TDRD9: variants seen among roughly 807,000 people sequenced by gnomAD.
TDRD9 encodes ATP-dependent RNA helicase TDRD9.
TDRD9 carries 124 observed loss-of-function variants against 172.6 expected under a neutral mutation model. That is an observed-to-expected ratio of 0.72 (90% CI 0.62 to 0.83). The LOEUF (loss-of-function observed/expected upper bound fraction) is 0.83. TDRD9 is among the 40% of genes least tolerant of loss of function. The pLI is 0.00. For synonymous variants in TDRD9, 619 were observed against 617.1 expected (o/e 1.00, Z -0.05); for missense variants, 1,479 against 1,714.1 (o/e 0.86, Z 2.42).
chr14:103,938,230 A>G (rs1388058959), intron 1 of TDRD9, among the ~76,000 whole-genome samples: 2 of 151,840 alleles, frequency 1.3e-5, no homozygotes, highest in Admixed American at 6.6e-5. Context: ...AGCCTATTAT[A>G]TGTCGGGGAT....
At chr14:104,004,569 A>G (rs1344542453) in intron 14 of TDRD9, among the ~76,000 whole-genome samples, 1 of 151,968 alleles carries the variant, frequency 6.6e-6, no homozygotes, top group Non-Finnish European at 1.5e-5. Flanking sequence ...TAGTAGAGAC[A>G]GGGTTTCACT....
chr14:103,993,280 A>T lies in TDRD9; in HGVS notation c.1181-1052A>T, dbSNP rs2152200796. On this transcript the variant is annotated intron_variant, in intron 9 of 35. Coordinates refer to ENST00000409874, the MANE Select transcript of TDRD9 (RefSeq NM_153046.3). The stretch of plus-strand genomic sequence containing the variant: ...AGTGTTGGGATTGCAGGTGTGAGCC[A>T]CTGCTCCTGGCTGGTAAATACTTTT... 3.9e-5 allele frequency among the ~76,000 whole-genome samples: 6 copies of T among 152,292 alleles called. No individual in the cohort carries two copies. The Middle Eastern group carries it at 0.014, about 345-fold the overall frequency.
rs962779899 is a variant in TDRD9, at chr14:103,935,255, T to G, written c.215+6531T>G. ...ACTGACACATCATTCAAGCAAGAGATAGGATGGTGGCTTAGACCAGGCAGG... is the reference window on the plus strand; with the variant it reads ...ACTGACACATCATTCAAGCAAGAGAGAGGATGGTGGCTTAGACCAGGCAGG... On this transcript the variant is annotated intron_variant, in intron 1 of 35. Coordinates refer to ENST00000409874, the MANE Select transcript of TDRD9 (RefSeq NM_153046.3). 7.2e-5 allele frequency among the ~76,000 whole-genome samples: 11 copies of G among 152,310 alleles called. No homozygotes were observed. In the South Asian group the frequency reaches 2.3e-3, roughly 32 times the overall value.
At chr14:103,935,025 C>T (rs534482939) in intron 1 of TDRD9, among the ~76,000 whole-genome samples, 17 of 152,296 alleles carry the variant, frequency 1.1e-4, no homozygotes, top group African/African-American at 3.8e-4. Context: ...GACCTGAATG[C>T]AGCGAAGACT....
intron 12 of TDRD9, among the ~76,000 whole-genome samples, 160 bp from the exon 13 acceptor site, chr14:103,998,464 A>C (rs541506638): frequency 6.6e-6 from 1 of 152,088 alleles, no homozygotes; most frequent in Non-Finnish European, 1.5e-5. Flanking sequence ...GCAACTCCCC[A>C]TCCTGGGCGG....
At chr14:104,018,908 G>A (rs138260519) in intron 23 of TDRD9, among the ~76,000 whole-genome samples, 1 of 152,074 alleles carries the variant, frequency 6.6e-6, no homozygotes, top group East Asian at 1.9e-4. Flanking sequence ...TCAATTTGGG[G>A]TAATTCCCTC....
At chr14:103,989,488 C>T (rs55735983) in intron 8 of TDRD9, among the ~76,000 whole-genome samples, 10,462 of 152,236 alleles carry the variant, frequency 0.069, 529 homozygotes, top group Non-Finnish European at 0.1. Context: ...ATAATGGAAG[C>T]GAGAAAGGCA....
At chr14:104,040,078 A>T in intron 32 of TDRD9, 118 bp from the exon 33 acceptor site, 1 of 871,712 alleles carries the variant, frequency 1.1e-6, no homozygotes, top group Non-Finnish European at 1.5e-6. Flanking sequence ...AAGTGAAATT[A>T]ATTGCTGTAC....
chr14:103,928,869 C>G (rs1167499748), intron 1 of TDRD9, 145 bp downstream of exon 1: 4 of 264,008 alleles, frequency 1.5e-5, no homozygotes, highest in African/African-American at 4.6e-5. Context: ...CGAGTGGTCA[C>G]TACACAACCC....
At chr14:104,026,311 T>C (rs2035116955) in intron 27 of TDRD9, among the ~76,000 whole-genome samples, 175 bp downstream of exon 27, 1 of 152,140 alleles carries the variant, frequency 6.6e-6, no homozygotes, top group Non-Finnish European at 1.5e-5. Flanking sequence ...CTTCCAAAAA[T>C]ACATGAAAGG....
At chr14:104,024,108 T>G (rs1194486054) in intron 24 of TDRD9, among the ~76,000 whole-genome samples, 3 of 152,180 alleles carry the variant, frequency 2.0e-5, no homozygotes, top group Non-Finnish European at 4.4e-5. Context: ...TTTTTGGGGT[T>G]TATTGGAAAG....
At position 104,052,074 on chromosome 14, in the gene TDRD9, G is replaced by A. The variant is rs1441570865; in HGVS notation, c.4141G>A (p.Gly1381Ser). ...CCAGCTCCACAAACTGGTTGTGCTC[G>A]GCACCTGAGCATGTCCACAGGTGGC... Reference protein sequence around the residue: ...LYQLHKLVVLGT With the variant: ...LYQLHKLVVLST Residue 1381 changes from glycine (G) to serine (S), a missense_variant, in exon 36 of 36, where the codon GGC becomes AGC. By Grantham distance (56) the Gly-to-Ser change is moderately conservative. Around this residue, in one of 3 missense-constraint regions of TDRD9, gnomAD observed 1,413 missense variants for 1,649.1 expected, o/e 0.86. Transcript: ENST00000409874. 1.3e-6 allele frequency: 2 copies of A among 1,571,256 alleles called. No individual in the cohort carries two copies. Among genetic ancestry groups the A allele is most frequent in the Admixed American group, 3.7e-5 (2 of 53,888 alleles).
chr14:103,937,732 G>A (rs2030864522), intron 1 of TDRD9, among the ~76,000 whole-genome samples: 1 of 152,180 alleles, frequency 6.6e-6, no homozygotes, highest in Admixed American at 6.5e-5. Flanking sequence ...TGAAATGTTT[G>A]AAGAATTATG....
chr14:103,972,305 T>A (rs1028752016), intron 6 of TDRD9, among the ~76,000 whole-genome samples: 2 of 148,882 alleles, frequency 1.3e-5, no homozygotes, highest in African/African-American at 2.5e-5. Flanking sequence ...AGACTGCATT[T>A]AAAAAAAAAA....
rs573305334 is a variant in TDRD9, at chr14:104,050,667, G to C, written c.4047+987G>C. Among the ~76,000 whole-genome samples, 25 of 152,254 alleles carry C rather than the reference G, an allele frequency of 1.6e-4. No homozygotes were observed. In the South Asian group the frequency reaches 5.0e-3, roughly 30 times the overall value. ...TGCTCCCCCTGTGCCCTGTGCCTAG[G>C]TCCCTCTTTAGAGACCCCAAGGCTG... On this transcript the variant is annotated intron_variant, in intron 35 of 35. Transcript: ENST00000409874.
At position 104,016,070 on chromosome 14, in the gene TDRD9, C is replaced by T. The variant is rs2034781494; in HGVS notation, c.2313C>T (p.Asp771=). Residue 771 remains aspartate, a synonymous_variant, in exon 22 of 36, where the codon GAC becomes GAT. Coordinates refer to ENST00000409874, the MANE Select transcript of TDRD9 (RefSeq NM_153046.3). ...EMAVRELAGK[D]PKTTVVLKHI... is the part of the protein sequence containing the mutation. ...CGGTGAGGGAGCTGGCTGGCAAGGA[C>T]CCCAAGACAACTGTCGTGGTAGGTG... The T allele has an allele frequency of 6.2e-7, 1 of 1,602,838 alleles. No homozygotes were observed. Among genetic ancestry groups the T allele is most frequent in the Non-Finnish European group, 8.5e-7 (1 of 1,174,870 alleles).
intron 30 of TDRD9, 129 bp downstream of exon 30, chr14:104,032,216 T>A: frequency 1.8e-6 from 1 of 563,592 alleles, no homozygotes; most frequent in Non-Finnish European, 2.8e-6. Context: ...TTTTCTTTTC[T>A]TTTTTTTTGA....
At position 104,002,444 on chromosome 14, in the gene TDRD9, G is replaced by A. The variant is rs534947018; in HGVS notation, c.1484-1794G>A. On this transcript the variant is annotated intron_variant, in intron 13 of 35. Transcript: ENST00000409874. Reference sequence around the variant, plus strand: ...TTTAGAGAGACTCTGGTGCTGTTGCGTGGTCAAGGAAGATTTATGAACAGA... The same window carrying A: ...TTTAGAGAGACTCTGGTGCTGTTGCATGGTCAAGGAAGATTTATGAACAGA... Among the ~76,000 whole-genome samples, 4 of 152,246 alleles carry A rather than the reference G, an allele frequency of 2.6e-5. No individual in the cohort carries two copies. In the East Asian group the frequency reaches 5.8e-4, roughly 22 times the overall value.
At chr14:103,996,784 G>T (rs1344163216) in intron 12 of TDRD9, among the ~76,000 whole-genome samples, 1 of 152,190 alleles carries the variant, frequency 6.6e-6, no homozygotes, top group Non-Finnish European at 1.5e-5. Flanking sequence ...TTACATGATG[G>T]TGAGTGTATG....
Sources: gnomAD v4.1 joint callset for allele counts (sites outside exome capture counted in the v4.1 genomes callset) on GRCh38, gnomAD v4.1.1 for gene constraint, gnomAD v4.1.1 regional missense constraint, MANE v1.5 for transcripts, NCBI Gene and HGNC (gene_info 2026-07-23, HGNC 2026-07-21) for gene names.